The following MALRD1 variants were observed in gnomAD, a reference collection of about 807,000 sequenced individuals.
MALRD1 encodes MAM and LDL-receptor class A domain-containing protein 1.
MALRD1 carries 247 observed loss-of-function variants against 242.1 expected under a neutral mutation model. The ratio of observed to expected loss-of-function variants is 1.02; its 90% confidence interval spans 0.92 to 1.13. The LOEUF is 1.13. Among genes scored for constraint, MALRD1 ranks in the 50% most tolerant of loss-of-function variants. The probability of loss-of-function intolerance (pLI) is 0.00; values close to 1 mark genes in which losing one functional copy is unlikely to be tolerated. For missense variants in MALRD1, 2,989 were observed against 2,533.1 expected, an observed-to-expected ratio of 1.18 and a Z score of -3.86; for synonymous variants, 995 against 866.6, an observed-to-expected ratio of 1.15 and a Z score of -2.60.
chr10:19,698,959 C>T (rs760065592), intron 38 of MALRD1, among the ~76,000 whole-genome samples: 30 of 151,984 alleles, frequency 2.0e-4, no homozygotes, highest in Admixed American at 2.0e-4. Flanking sequence ...AACCAAACAC[C>T]GCATGTTCTT....
chr10:19,419,238 C>T (rs1291931531), intron 28 of MALRD1, among the ~76,000 whole-genome samples: 1 of 151,994 alleles, frequency 6.6e-6, no homozygotes, highest in Non-Finnish European at 1.5e-5. Context: ...TTTCCTTATT[C>T]TCATTCTCCT....
chr10:19,679,121 TTTG>T (rs1235453634), intron 36 of MALRD1, among the ~76,000 whole-genome samples: 6 of 152,182 alleles, frequency 3.9e-5, no homozygotes, highest in South Asian at 2.1e-4. Context: ...TGTTTTCTTT[TTTG>T]TTGTTGTATC....
intron 5 of MALRD1, among the ~76,000 whole-genome samples, chr10:19,113,448 T>C (rs1376427131): frequency 6.6e-6 from 1 of 151,678 alleles, no homozygotes; most frequent in East Asian, 1.9e-4. Context: ...TTTTTCTTCT[T>C]CTTCTCATTT....
intron 36 of MALRD1, among the ~76,000 whole-genome samples, chr10:19,636,846 C>G (rs1840152497): frequency 6.7e-6 from 1 of 150,324 alleles, no homozygotes; most frequent in Admixed American, 6.6e-5. Flanking sequence ...TTGCAGTGAG[C>G]CAAGACTGTG....
At chr10:19,615,420 G>GT (rs1167017005) in intron 35 of MALRD1, among the ~76,000 whole-genome samples, 2 of 147,430 alleles carry the variant, frequency 1.4e-5, no homozygotes, top group Non-Finnish European at 1.5e-5. Context: ...CAAGGCTGAG[G>GT]TGGGAGGATT....
rs139639413 is a variant in MALRD1 at position 19,249,983 on chromosome 10, G to T, written c.2992-7701G>T. Among the ~76,000 whole-genome samples, 357 of 151,978 alleles carry T rather than the reference G, an allele frequency of 2.3e-3. 1 individual carries two copies. Among genetic ancestry groups the T allele is most frequent in the African/African-American group, 8.2e-3 (341 of 41,510 alleles). ...TCTCCTTTTACAAAGAGAATGAAAG[G>T]CATATGATGATTTTTTGTAGAAAGA... On this transcript the variant is annotated intron_variant, in intron 18 of 39. Transcript: ENST00000454679.
At chr10:19,355,777 A>G (rs1253748621) in intron 26 of MALRD1, among the ~76,000 whole-genome samples, 1 of 147,768 alleles carries the variant, frequency 6.8e-6, no homozygotes, top group African/African-American at 2.5e-5. Context: ...ATTCTGAAAC[A>G]CCTTAACTTC....
chr10:19,055,922 A>G (rs1251775180), intron 1 of MALRD1, among the ~76,000 whole-genome samples: 3 of 152,190 alleles, frequency 2.0e-5, no homozygotes, highest in Non-Finnish European at 2.9e-5. Context: ...TAGCAAAATA[A>G]TCTACACAAA....
intron 36 of MALRD1, among the ~76,000 whole-genome samples, chr10:19,660,983 C>G (rs977586734): frequency 1.3e-5 from 2 of 152,126 alleles, no homozygotes; most frequent in African/African-American, 4.8e-5. Flanking sequence ...AGGATATGAA[C>G]AGACACTTCT....
intron 30 of MALRD1, among the ~76,000 whole-genome samples, chr10:19,496,356 T>A (rs572459417): frequency 6.6e-6 from 1 of 152,194 alleles, no homozygotes; most frequent in African/African-American, 2.4e-5. Context: ...AACAAAATTA[T>A]ACCAACCATC....
chr10:19,172,678 C>T (rs954249484), intron 13 of MALRD1, among the ~76,000 whole-genome samples: 5 of 151,470 alleles, frequency 3.3e-5, no homozygotes, highest in African/African-American at 4.8e-5. Flanking sequence ...TTTTTTCCTC[C>T]AGTTTTCTCT....
chr10:19,704,916 G>A (rs1833792104), intron 38 of MALRD1, among the ~76,000 whole-genome samples: 1 of 152,136 alleles, frequency 6.6e-6, no homozygotes, highest in South Asian at 2.1e-4. Flanking sequence ...GGAGAACGAG[G>A]CAGGCAGGTG....
chr10:19,642,248 A>C (rs576983844), intron 36 of MALRD1, among the ~76,000 whole-genome samples: 2 of 152,208 alleles, frequency 1.3e-5, no homozygotes, highest in South Asian at 2.1e-4. Context: ...TAATTCTGTC[A>C]CTCTTCTGTG....
chr10:19,307,652 T>C (rs1054356329), intron 21 of MALRD1, among the ~76,000 whole-genome samples: 1 of 151,442 alleles, frequency 6.6e-6, no homozygotes, highest in African/African-American at 2.4e-5. Flanking sequence ...AACAACATGC[T>C]GAAGCTAATG....
At chr10:19,112,951 C>G (rs778495486) in intron 5 of MALRD1, among the ~76,000 whole-genome samples, 3 of 152,064 alleles carry the variant, frequency 2.0e-5, no homozygotes, top group Non-Finnish European at 4.4e-5. Context: ...ATATTCTTCT[C>G]TTTTTTTCAC....
intron 18 of MALRD1, among the ~76,000 whole-genome samples, chr10:19,211,888 T>C (rs1182955720): frequency 6.6e-6 from 1 of 152,140 alleles, no homozygotes; most frequent in Non-Finnish European, 1.5e-5. Context: ...GTACTCATTC[T>C]GTGTTTGCAT....
chr10:19,194,545 C>T (rs1451786880), intron 14 of MALRD1, among the ~76,000 whole-genome samples: 1 of 152,092 alleles, frequency 6.6e-6, no homozygotes, highest in Non-Finnish European at 1.5e-5. Flanking sequence ...TGTCTGGACA[C>T]TTCTATACTT....
At chr10:19,473,623 G>A (rs1250288595) in intron 29 of MALRD1, among the ~76,000 whole-genome samples, 1 of 151,944 alleles carries the variant, frequency 6.6e-6, no homozygotes, top group African/African-American at 2.4e-5. Flanking sequence ...TGTCCTCAAA[G>A]CTTATTCTGT....
intron 10 of MALRD1, among the ~76,000 whole-genome samples, chr10:19,141,463 G>C (rs968604115): frequency 6.6e-6 from 1 of 152,014 alleles, no homozygotes; most frequent in Non-Finnish European, 1.5e-5. Context: ...TGGTGGTAAT[G>C]GTTGTACGAC....
Sources: gnomAD v4.1 joint callset for allele counts (sites outside exome capture counted in the v4.1 genomes callset) on GRCh38, gnomAD v4.1.1 for gene constraint, MANE v1.5 for transcripts, NCBI Gene and HGNC (gene_info 2026-07-23, HGNC 2026-07-21) for gene names.